Variants in PRRC1 observed in about 807,000 individuals in gnomAD.
PRRC1 encodes proline rich coiled-coil 1, also known as protein PRRC1.
A neutral mutation model predicts 40.7 loss-of-function variants in PRRC1; 39 were observed. The observed-to-expected ratio is 0.96, with a 90% CI of 0.74 to 1.25. The LOEUF (loss-of-function observed/expected upper bound fraction) is 1.25, where lower values mean the gene tolerates loss of function less well. Among genes scored for constraint, PRRC1 ranks in the 50% most tolerant of loss-of-function variants. The pLI is 0.00. For missense variants in PRRC1, 573 were observed against 548.3 expected (o/e 1.05, Z -0.45); for synonymous variants, 175 against 193.3 (o/e 0.91, Z 0.79).
intron 7 of PRRC1, among the ~76,000 whole-genome samples, chr5:127,545,072 C>T (rs144306244): frequency 6.6e-6 from 1 of 152,204 alleles, no homozygotes; most frequent in African/African-American, 2.4e-5. Flanking sequence ...AAATGCACAT[C>T]AAAACCACAA....
chr5:127,536,262 C>A (rs1767897671), intron 6 of PRRC1, among the ~76,000 whole-genome samples: 1 of 150,660 alleles, frequency 6.6e-6, no homozygotes, highest in Admixed American at 6.6e-5. Context: ...GCAAAGGTAA[C>A]TGACGGCTGT....
chr5:127,540,222 T>A (rs1359855951), intron 7 of PRRC1, among the ~76,000 whole-genome samples: 1 of 152,138 alleles, frequency 6.6e-6, no homozygotes. Flanking sequence ...CAGTGATTGT[T>A]GTGTCATTTT....
At chr5:127,518,513 C>T (rs1767375735) in intron 1 of PRRC1, among the ~76,000 whole-genome samples, 2 of 152,220 alleles carry the variant, frequency 1.3e-5, no homozygotes, top group African/African-American at 2.4e-5. Context: ...CGTGACACAT[C>T]TTGGCATTCA....
intron 7 of PRRC1, among the ~76,000 whole-genome samples, chr5:127,543,676 G>C (rs1440870340): frequency 6.6e-6 from 1 of 152,108 alleles, no homozygotes. Context: ...GGCTCCTGAG[G>C]CTTCTGCATT....
intron 1 of PRRC1, among the ~76,000 whole-genome samples, chr5:127,522,541 T>C (rs1767487832): frequency 1.3e-5 from 2 of 152,062 alleles, no homozygotes; most frequent in Admixed American, 1.3e-4. Flanking sequence ...TAGGCACATG[T>C]CACCCTGCCT....
chr5:127,521,696 C>T (rs1767464520), intron 1 of PRRC1, among the ~76,000 whole-genome samples: 1 of 152,226 alleles, frequency 6.6e-6, no homozygotes, highest in East Asian at 1.9e-4. Flanking sequence ...TGAGGCTGAA[C>T]ACCTTCTGGG....
Position 127,552,494 on chromosome 5 carries a change from C to G in PRRC1, c.*578C>G, listed in dbSNP as rs1768420729. The G allele has an allele frequency of 3.0e-6, 3 of 986,288 alleles. 1 individual carries two copies. In the African/African-American group the frequency reaches 5.2e-5, roughly 17 times the overall value. 61.1% of individuals were successfully genotyped at this position (986,288 alleles called of 1,614,324 possible). A position where few individuals can be genotyped will look rare whatever the true frequency, so the allele number is the denominator to read the frequency against. ...CCAAAATAATGGAATTGATTATTTT[C>G]CTTTTTGGCCATCACGTACACATGT... On this transcript the variant is annotated 3_prime_UTR_variant, in exon 9 of 9. Coordinates refer to ENST00000296666, the MANE Select transcript of PRRC1 (RefSeq NM_130809.5).
At chr5:127,539,525 A>G (rs1580943237) in intron 7 of PRRC1, among the ~76,000 whole-genome samples, 1 of 152,094 alleles carries the variant, frequency 6.6e-6, no homozygotes, top group East Asian at 1.9e-4. Flanking sequence ...TCTAGGTTTG[A>G]GTTTCTAGTG....
At chr5:127,540,127 CAAG>C (rs1768001696) in intron 7 of PRRC1, among the ~76,000 whole-genome samples, 1 of 151,992 alleles carries the variant, frequency 6.6e-6, no homozygotes, top group Non-Finnish European at 1.5e-5. Context: ...GATGGGAAAT[CAAG>C]AGGTGACGGG....
In PRRC1 at chr5:127,552,510, G is replaced by C. The variant is rs1016682448; in HGVS notation, c.*594G>C. 6 of 985,994 alleles carry C rather than the reference G, an allele frequency of 6.1e-6. No individual in the cohort carries two copies. Among genetic ancestry groups the C allele is most frequent in the Non-Finnish European group, 7.2e-6 (6 of 830,118 alleles). The allele number at this position is 985,994 out of a possible 1,614,324, so 61.1% of individuals were successfully genotyped here. ...GATTATTTTCCTTTTTGGCCATCACGTACACATGTAATCTGGAAAATCATA... is the reference window on the plus strand; with the variant it reads ...GATTATTTTCCTTTTTGGCCATCACCTACACATGTAATCTGGAAAATCATA... On this transcript the variant is annotated 3_prime_UTR_variant, in exon 9 of 9. Coordinates refer to ENST00000296666, the MANE Select transcript of PRRC1 (RefSeq NM_130809.5).
In PRRC1 at chr5:127,553,316, G is replaced by T; in HGVS notation, c.*1400G>T. On this transcript the variant is annotated 3_prime_UTR_variant, in exon 9 of 9. Coordinates refer to ENST00000296666, the MANE Select transcript of PRRC1 (RefSeq NM_130809.5). Reference sequence around the variant, plus strand: ...TTTTTTACCTGAGGATAAGAAGAATGAATATTAAATTTGAATATTAAATAT... The same window carrying T: ...TTTTTTACCTGAGGATAAGAAGAATTAATATTAAATTTGAATATTAAATAT... 1.0e-6 allele frequency: 1 copy of T among 984,610 alleles called. No homozygotes were observed. The highest frequency in any genetic ancestry group is 1.2e-6 in the Non-Finnish European group (1 of 829,092). 61.0% of individuals were successfully genotyped at this position (984,610 alleles called of 1,614,324 possible).
chr5:127,553,746 G>T lies in PRRC1; in HGVS notation c.*1830G>T. 1 of 1,514,528 alleles carries T rather than the reference G, an allele frequency of 6.6e-7. No homozygotes were observed. The highest frequency in any genetic ancestry group is 8.8e-7 in the Non-Finnish European group (1 of 1,139,968). 93.8% of individuals were successfully genotyped at this position (1,514,528 alleles called of 1,614,324 possible). On this transcript the variant is annotated 3_prime_UTR_variant, in exon 9 of 9. Transcript: ENST00000296666. ...TTTACCAAGTCACAAATGTCTTTTT[G>T]ATGTTTTGAGAATTGTTCTCATAGA... is the stretch of plus-strand genomic sequence containing the variant.
In PRRC1 at chr5:127,539,275, T is replaced by C. The variant is rs6885858; in HGVS notation, c.1025+132T>C. ...ATATTTTGATGCTGGCTATATCACT[T>C]AACTAGCTGTGTGTCCTGCATGGCT... On this transcript the variant is annotated intron_variant, in intron 7 of 8. Coordinates refer to ENST00000296666, the MANE Select transcript of PRRC1 (RefSeq NM_130809.5). The C allele has an allele frequency of 6.6e-3, 4,120 of 624,856 alleles. 126 individuals carry two copies. In the African/African-American group the frequency reaches 0.068, roughly 10 times the overall value. The allele number at this position is 624,856 out of a possible 1,614,324, so 38.7% of individuals were successfully genotyped here. A position where few individuals can be genotyped will look rare whatever the true frequency, so the allele number is the denominator to read the frequency against.
rs1768420023 is a variant in PRRC1, at chr5:127,552,466, G to A, written c.*550G>A. On this transcript the variant is annotated 3_prime_UTR_variant, in exon 9 of 9. Coordinates refer to ENST00000296666, the MANE Select transcript of PRRC1 (RefSeq NM_130809.5). ...TTTCTGTGCATGTTTTCAGTAATAT[G>A]GGCCAAAATAATGGAATTGATTATT... The A allele has an allele frequency of 1.0e-6, 1 of 986,648 alleles. No individual in the cohort carries two copies. The highest frequency in any genetic ancestry group is 1.2e-6 in the Non-Finnish European group (1 of 830,544). 61.1% of individuals were successfully genotyped at this position (986,648 alleles called of 1,614,324 possible).
At chr5:127,547,407 G>A (rs1768257053) in intron 7 of PRRC1, among the ~76,000 whole-genome samples, 1 of 151,928 alleles carries the variant, frequency 6.6e-6, no homozygotes, top group South Asian at 2.1e-4. Context: ...ACTTAGTTGA[G>A]TACATATTCA....
At chr5:127,535,852 C>T (rs981613892) in intron 6 of PRRC1, among the ~76,000 whole-genome samples, 1 of 152,082 alleles carries the variant, frequency 6.6e-6, no homozygotes. Context: ...CCCACACTGA[C>T]ACTAGATTAT....
At chr5:127,528,970 T>C (rs1767696165) in intron 4 of PRRC1, among the ~76,000 whole-genome samples, 1 of 152,192 alleles carries the variant, frequency 6.6e-6, no homozygotes, top group African/African-American at 2.4e-5. Flanking sequence ...ACTTTTACTT[T>C]GTGTTCATTG....
rs1301688360 is a variant in PRRC1, at chr5:127,552,917, A to ATT, written c.*1001_*1002insTT. On this transcript the variant is annotated 3_prime_UTR_variant, in exon 9 of 9. Transcript: ENST00000296666. ...CTTTACTTTTTATGGATGTTTTCAA[A>ATT]GAAACTATTTTATATTCAATCTAGT... The ATT allele has an allele frequency of 2.2e-6, 2 of 902,344 alleles. No homozygotes were observed. Among genetic ancestry groups the ATT allele is most frequent in the African/African-American group, 3.6e-5 (2 of 55,412 alleles). 55.9% of individuals were successfully genotyped at this position (902,344 alleles called of 1,614,324 possible).
intron 6 of PRRC1, among the ~76,000 whole-genome samples, chr5:127,534,456 A>G (rs1767845623): frequency 6.6e-6 from 1 of 152,180 alleles, no homozygotes; most frequent in East Asian, 1.9e-4. Flanking sequence ...CCAGCACTCT[A>G]CTGATAGTGC....
Sources: gnomAD v4.1 joint callset for allele counts (sites outside exome capture counted in the v4.1 genomes callset) on GRCh38, gnomAD v4.1.1 for gene constraint, MANE v1.5 for transcripts, NCBI Gene and HGNC (gene_info 2026-07-23, HGNC 2026-07-21) for gene names.